NIN: variants seen among roughly 807,000 people sequenced by gnomAD.
The protein encoded by NIN is ninein.
NIN carries 137 observed loss-of-function variants against 257.6 expected under a neutral mutation model. That is an observed-to-expected ratio of 0.53 (90% confidence interval 0.46 to 0.61). The LOEUF is 0.61. Among genes scored for constraint, NIN ranks in the 20% least tolerant of loss-of-function variants. NIN has a pLI of 0.00. For missense variants in NIN, 2,439 were observed against 2,501.2 expected (o/e 0.98, Z 0.53); for synonymous variants, 918 against 919.8 (o/e 1.00, Z 0.04).
intron 2 of NIN, among the ~76,000 whole-genome samples, chr14:50,824,300 C>A (rs2045364528): frequency 6.6e-6 from 1 of 152,206 alleles, no homozygotes; most frequent in African/African-American, 2.4e-5. Context: ...TACTATCATG[C>A]CCCACTCTTT....
At chr14:50,771,218 G>T in intron 10 of NIN, 114 bp downstream of exon 10, 1 of 1,308,684 alleles carries the variant, frequency 7.6e-7, no homozygotes, top group Non-Finnish European at 1.0e-6. Context: ...CAGTTGGATA[G>T]AAGATGAGCA....
At chr14:50,727,479 G>T (rs756208321) in intron 29 of NIN, 39 of 1,188,386 alleles carry the variant, frequency 3.3e-5, no homozygotes, top group Non-Finnish European at 3.8e-5. Context: ...TGATGTTTGT[G>T]AATTTGATTC....
Position 50,752,581 on chromosome 14 carries a change from T to C in NIN, c.4887A>G (p.Ala1629=). ...CQKEKEPGNS[A]LEEREQEKFN... is the part of the protein sequence containing the mutation. ...ACTTCTCTTGTTCCCGTTCCTCCAA[T>C]GCACTGTTTCCTGGCTCTTTTTCCT... is the stretch of plus-strand genomic sequence containing the variant. The change falls in exon 21 of 31, where the codon GCA becomes GCG. Residue 1629 remains alanine, a synonymous_variant. Coordinates refer to ENST00000530997, the MANE Select transcript of NIN (RefSeq NM_020921.4). 1 of 1,614,144 alleles carries C rather than the reference T, an allele frequency of 6.2e-7. No individual in the cohort carries two copies. The highest frequency in any genetic ancestry group is 8.5e-7 in the Non-Finnish European group (1 of 1,179,992).
At chr14:50,739,625 G>T in intron 25 of NIN, 138 bp from the exon 26 acceptor site, 3 of 664,494 alleles carry the variant, frequency 4.5e-6, no homozygotes, top group Non-Finnish European at 7.7e-6. Context: ...TCTAATGAAA[G>T]TATGTGTATG....
At chr14:50,799,400 A>T (rs1400772704) in intron 4 of NIN, among the ~76,000 whole-genome samples, 1 of 152,230 alleles carries the variant, frequency 6.6e-6, no homozygotes, top group African/African-American at 2.4e-5. Flanking sequence ...AGAGGTGTCC[A>T]GCATCAAGCA....
At chr14:50,767,708 T>G (rs1246404373) in intron 12 of NIN, among the ~76,000 whole-genome samples, 1 of 151,734 alleles carries the variant, frequency 6.6e-6, no homozygotes, top group African/African-American at 2.4e-5. Context: ...TCCCAGCTAC[T>G]TGGGAGGCTG....
intron 28 of NIN, among the ~76,000 whole-genome samples, chr14:50,733,243 C>A (rs886945411): frequency 5.9e-5 from 9 of 152,116 alleles, no homozygotes; most frequent in African/African-American, 1.9e-4. Context: ...CAGGCGCACA[C>A]AACCACGCCC....
intron 5 of NIN, among the ~76,000 whole-genome samples, chr14:50,779,448 G>A (rs527676523): frequency 2.5e-4 from 38 of 152,312 alleles, no homozygotes; most frequent in African/African-American, 8.2e-4. Flanking sequence ...AGGATAAACT[G>A]CAGAGAGCCA....
At chr14:50,802,985 C>T (rs761352783) in intron 4 of NIN, among the ~76,000 whole-genome samples, 1 of 152,208 alleles carries the variant, frequency 6.6e-6, no homozygotes, top group Non-Finnish European at 1.5e-5. Context: ...TTTTCAGTCT[C>T]CTTCTATGGT....
chr14:50,772,597 G>A, intron 8 of NIN, 129 bp from the exon 9 acceptor site: 1 of 786,492 alleles, frequency 1.3e-6, no homozygotes. Flanking sequence ...AAAAAGTCAT[G>A]CAGCCTCTCT....
intron 4 of NIN, among the ~76,000 whole-genome samples, chr14:50,804,860 G>T (rs943442024): frequency 1.1e-4 from 16 of 152,106 alleles, no homozygotes; most frequent in African/African-American, 3.9e-4. Flanking sequence ...TTACAAATTT[G>T]TGTTGGGCCG....
intron 20 of NIN, 41 bp from the exon 21 acceptor site, chr14:50,752,774 A>T (rs1332658995): frequency 5.5e-6 from 6 of 1,088,576 alleles, no homozygotes; most frequent in South Asian, 1.5e-5. Flanking sequence ...TTGTTACCCT[A>T]CTTGTGCTAA....
chr14:50,819,591 C>T (rs2045101667), intron 3 of NIN, among the ~76,000 whole-genome samples: 1 of 152,194 alleles, frequency 6.6e-6, no homozygotes, highest in South Asian at 2.1e-4. Context: ...GTCACTTAAA[C>T]CTCTTTTTCT....
At chr14:50,734,905 T>G (rs1486684860) in intron 28 of NIN, among the ~76,000 whole-genome samples, 1 of 151,530 alleles carries the variant, frequency 6.6e-6, no homozygotes, top group Non-Finnish European at 1.5e-5. Context: ...AGGCTGGTCT[T>G]GAACTTCTGG....
chr14:50,754,938 A>G, intron 18 of NIN, 71 bp from the exon 19 acceptor site: 1 of 1,082,440 alleles, frequency 9.2e-7, no homozygotes, highest in Non-Finnish European at 1.3e-6. Flanking sequence ...ATTTTCTAGT[A>G]ACTTCCAAAA....
intron 3 of NIN, among the ~76,000 whole-genome samples, chr14:50,818,742 T>C (rs1018885025): frequency 6.6e-6 from 1 of 152,190 alleles, no homozygotes; most frequent in Non-Finnish European, 1.5e-5. Context: ...ACCTGTACAG[T>C]AACCACCTTG....
intron 23 of NIN, among the ~76,000 whole-genome samples, chr14:50,743,897 AAAG>A (rs2041411583): frequency 6.6e-6 from 1 of 152,246 alleles, no homozygotes; most frequent in African/African-American, 2.4e-5. Flanking sequence ...GGGATTTGCT[AAAG>A]AAGATAAAAT....
chr14:50,745,455 T>G (rs1451223622), intron 22 of NIN, among the ~76,000 whole-genome samples: 3 of 152,202 alleles, frequency 2.0e-5, no homozygotes, highest in African/African-American at 7.2e-5. Flanking sequence ...TTTCCTCTAT[T>G]TCACTTGACT....
intron 4 of NIN, among the ~76,000 whole-genome samples, chr14:50,801,584 G>A (rs932680019): frequency 2.0e-5 from 3 of 152,132 alleles, no homozygotes; most frequent in African/African-American, 7.2e-5. Flanking sequence ...CCTAACCCAA[G>A]GCCTCTGAAC....
Sources: allele counts gnomAD v4.1 joint callset (sites outside exome capture counted in the v4.1 genomes callset), GRCh38; gene constraint gnomAD v4.1.1; transcripts MANE v1.5; gene names NCBI Gene and HGNC (gene_info 2026-07-23, HGNC 2026-07-21).